The following DCPS variants were observed in gnomAD, a reference collection of about 807,000 sequenced individuals.
The protein encoded by DCPS is m7GpppX diphosphatase.
In DCPS, 27 loss-of-function variants were observed where a neutral mutation model predicts 34.7. The ratio of observed to expected loss-of-function variants is 0.78; its 90% CI spans 0.57 to 1.07. DCPS has a LOEUF of 1.07. Ranked by LOEUF, DCPS falls within the 50% of genes least tolerant of loss-of-function variation. The pLI, the probability that DCPS is intolerant of heterozygous loss-of-function variation, is 0.00. For missense variants in DCPS, 464 were observed against 436.9 expected (o/e 1.06, Z -0.55); for synonymous variants, 185 against 185.7 (o/e 1.00, Z 0.03).
At chr11:126,309,024 C>CCTTTTTT in intron 2 of DCPS, among the ~76,000 whole-genome samples, 1 of 138,404 alleles carries the variant, frequency 7.2e-6, no homozygotes. Flanking sequence ...TTTCCTGCCC[C>CCTTTTTT]TTTTTTTTTT....
intron 2 of DCPS, among the ~76,000 whole-genome samples, chr11:126,317,874 A>G (rs686305): frequency 0.75 from 113,778 of 152,046 alleles, 43,102 homozygotes; most frequent in East Asian, 1. Flanking sequence ...TCCTGTTCAC[A>G]CGGAGCTTTG....
rs1951961057 is a variant in DCPS at position 126,348,760 on chromosome 11, G to C, written c.*3147G>C. ...TCTTGAGGGTAGGAGCTTTGTTTTA[G>C]TTATCTCTCTATCCCTGGCCCCTAA... On this transcript the variant is annotated 3_prime_UTR_variant, in exon 6 of 6. Transcript: ENST00000263579. This position sits in a 1 kb window ranked among gnomAD's most constrained non-coding sequence, Gnocchi z 5.3. Among the ~76,000 whole-genome samples the C allele has an allele frequency of 6.6e-6, 1 of 152,198 alleles. No individual in the cohort carries two copies. Among genetic ancestry groups the C allele is most frequent in the Admixed American group, 6.5e-5 (1 of 15,282 alleles).
chr11:126,340,822 A>C (rs959880954), intron 4 of DCPS: 8 of 152,328 alleles, frequency 5.3e-5, no homozygotes, highest in Non-Finnish European at 4.4e-5. Flanking sequence ...TGTTTGCTAG[A>C]GACTGTGCCT....
chr11:126,305,657 G>A (rs34067614), intron 1 of DCPS, among the ~76,000 whole-genome samples: 16,778 of 152,104 alleles, frequency 0.11, 1,190 homozygotes, highest in Non-Finnish European at 0.16. Flanking sequence ...CTGACCTCAG[G>A]TGATCCACCC....
chr11:126,343,908 G>A (rs747071348), intron 5 of DCPS, among the ~76,000 whole-genome samples: 5 of 152,114 alleles, frequency 3.3e-5, no homozygotes, highest in Admixed American at 1.3e-4. Flanking sequence ...TGAAATTATC[G>A]GGGCTCTAAA....
In DCPS at chr11:126,319,831, TC is replaced by T. The variant is rs1457092724; in HGVS notation, c.377-11573del. Among the ~76,000 whole-genome samples the T allele has an allele frequency of 1.3e-5, 2 of 152,170 alleles. No homozygotes were observed. The highest frequency in any genetic ancestry group is 4.8e-5 in the African/African-American group (2 of 41,436). ...AGACTGCCTGGGTTCAGATCTCAGC[TC>T]TGCCACTATTAATAGCTGTGTGTCC... is the stretch of plus-strand genomic sequence containing the variant. On this transcript the variant is annotated intron_variant, in intron 2 of 5. Transcript: ENST00000263579. This position sits in a 1 kb window ranked among gnomAD's most constrained non-coding sequence, Gnocchi z 4.5.
In DCPS at chr11:126,343,363, C is replaced by G. The variant is rs148567639; in HGVS notation, c.693C>G (p.Arg231=). ...ATCGCCGGGGCATCAGATCCCTACG[C>G]GACCTTACTCCGGAGCACTTGCCGC... is the stretch of plus-strand genomic sequence containing the variant. ...ICHRRGIRSL[R]DLTPEHLPLL... Residue 231 remains arginine, a synonymous_variant, in exon 5 of 6, where the codon CGC becomes CGG. Transcript: ENST00000263579. 9.2e-5 allele frequency: 148 copies of G among 1,613,888 alleles called. No homozygotes were observed. Among genetic ancestry groups the G allele is most frequent in the Non-Finnish European group, 1.2e-4 (142 of 1,179,970 alleles).
rs555671125 is a variant in DCPS at position 126,320,683 on chromosome 11, G to T, written c.377-10722G>T. Among the ~76,000 whole-genome samples, 6 of 152,074 alleles carry T rather than the reference G, an allele frequency of 3.9e-5. No homozygotes were observed. Among genetic ancestry groups the T allele is most frequent in the African/African-American group, 1.4e-4 (6 of 41,498 alleles). On this transcript the variant is annotated intron_variant, in intron 2 of 5. Coordinates refer to ENST00000263579, the MANE Select transcript of DCPS (RefSeq NM_014026.6). The surrounding 1 kb of genome is among the most constrained non-coding windows in gnomAD (Gnocchi z 4.7). Reference sequence around the variant, plus strand: ...CCAGGTGTAGTGGTGTGTGCCTATAGTTCCAGCTACCTGGGAGGTTGAGAC... The same window carrying T: ...CCAGGTGTAGTGGTGTGTGCCTATATTTCCAGCTACCTGGGAGGTTGAGAC...
At position 126,347,777 on chromosome 11, in the gene DCPS, TC is replaced by T. The variant is rs1459626152; in HGVS notation, c.*2167del. ...AGCAGTGTCCAGCTTGCAGGAATGC[TC>T]CCTGCGTCTCAGTTGTGCCCATTCC... is the stretch of plus-strand genomic sequence containing the variant. On this transcript the variant is annotated 3_prime_UTR_variant, in exon 6 of 6. Transcript: ENST00000263579. This position sits in a 1 kb window ranked among gnomAD's most constrained non-coding sequence, Gnocchi z 4.2. Among the ~76,000 whole-genome samples, 4 of 152,200 alleles carry T rather than the reference TC, an allele frequency of 2.6e-5. No individual in the cohort carries two copies. Among genetic ancestry groups the T allele is most frequent in the African/African-American group, 9.6e-5 (4 of 41,452 alleles).
At position 126,327,133 on chromosome 11, in the gene DCPS, G is replaced by A. The variant is rs1004340111; in HGVS notation, c.377-4272G>A. Among the ~76,000 whole-genome samples the A allele has an allele frequency of 6.6e-6, 1 of 152,128 alleles. No individual in the cohort carries two copies. Among genetic ancestry groups the A allele is most frequent in the Non-Finnish European group, 1.5e-5 (1 of 68,016 alleles). On this transcript the variant is annotated intron_variant, in intron 2 of 5. Transcript: ENST00000263579. The surrounding 1 kb of genome is among the most constrained non-coding windows in gnomAD (Gnocchi z 4.1). Reference sequence around the variant, plus strand: ...TGTGCCAGTTGCTTCAGTGCAGGGCGCCCCTCCCCGGATCCCAACCCCGGA... The same window carrying A: ...TGTGCCAGTTGCTTCAGTGCAGGGCACCCCTCCCCGGATCCCAACCCCGGA...
chr11:126,330,195 G>A (rs77603146), intron 2 of DCPS, among the ~76,000 whole-genome samples: 12,153 of 141,366 alleles, frequency 0.086, 618 homozygotes, highest in South Asian at 0.12. Context: ...TCCTTTCAGG[G>A]GACACATTGG....
In DCPS at chr11:126,329,183, C is replaced by T. The variant is rs149026772; in HGVS notation, c.377-2222C>T. On this transcript the variant is annotated intron_variant, in intron 2 of 5. Coordinates refer to ENST00000263579, the MANE Select transcript of DCPS (RefSeq NM_014026.6). The surrounding 1 kb of genome is among the most constrained non-coding windows in gnomAD (Gnocchi z 5.0). ...CTGACCTCTGGCCCATGACCTATGA[C>T]GCTGAGCTGTTAGAGAACAGAGTGA... is the stretch of plus-strand genomic sequence containing the variant. Among the ~76,000 whole-genome samples, 515 of 152,338 alleles carry T rather than the reference C, an allele frequency of 3.4e-3. 2 individuals are homozygous for T. Among genetic ancestry groups the T allele is most frequent in the Middle Eastern group, 0.014 (4 of 294 alleles).
In DCPS at chr11:126,335,986, G is replaced by A. The variant is rs1197990703; in HGVS notation, c.523-2300G>A. ...CTAAAAATATAAAAATTAGTCGGGT[G>A]TGGTGGTGGGCACCTATAATCCCAG... On this transcript the variant is annotated intron_variant, in intron 3 of 5. Transcript: ENST00000263579. This position sits in a 1 kb window ranked among gnomAD's most constrained non-coding sequence, Gnocchi z 4.8. 1.3e-5 allele frequency among the ~76,000 whole-genome samples: 2 copies of A among 151,866 alleles called. No homozygotes were observed. Among genetic ancestry groups the A allele is most frequent in the Non-Finnish European group, 2.9e-5 (2 of 67,970 alleles).
rs1329117889 is a variant in DCPS, at chr11:126,337,265, G to T, written c.523-1021G>T. Reference sequence around the variant, plus strand: ...AGGAAGGGGCAGTAGTATGTCCTCAGCCACTCCCCTCTCTGGTTTCCTAGC... The same window carrying T: ...AGGAAGGGGCAGTAGTATGTCCTCATCCACTCCCCTCTCTGGTTTCCTAGC... On this transcript the variant is annotated intron_variant, in intron 3 of 5. Coordinates refer to ENST00000263579, the MANE Select transcript of DCPS (RefSeq NM_014026.6). This position sits in a 1 kb window ranked among gnomAD's most constrained non-coding sequence, Gnocchi z 5.3. 6.6e-6 allele frequency: 1 copy of T among 152,280 alleles called. No homozygotes were observed. Among genetic ancestry groups the T allele is most frequent in the East Asian group, 1.9e-4 (1 of 5,194 alleles). 9.4% of individuals were successfully genotyped at this position (152,280 alleles called of 1,614,324 possible).
intron 2 of DCPS, among the ~76,000 whole-genome samples, chr11:126,321,691 A>C (rs912242464): frequency 2.0e-5 from 3 of 152,040 alleles, no homozygotes; most frequent in African/African-American, 7.2e-5. Flanking sequence ...AAGAAAAAGA[A>C]GGGAAGGAAA....
chr11:126,343,472 A>G (rs1565381005), intron 5 of DCPS, 55 bp downstream of exon 5: 1 of 1,416,562 alleles, frequency 7.1e-7, no homozygotes, highest in Non-Finnish European at 9.8e-7. Flanking sequence ...CTCAGATTCC[A>G]GTGTGTTCCT....
chr11:126,325,738 G>T lies in DCPS; in HGVS notation c.377-5667G>T, dbSNP rs1951734925. Among the ~76,000 whole-genome samples the T allele has an allele frequency of 6.6e-6, 1 of 152,070 alleles. No homozygotes were observed. The highest frequency in any genetic ancestry group is 2.4e-5 in the African/African-American group (1 of 41,452). On this transcript the variant is annotated intron_variant, in intron 2 of 5. Coordinates refer to ENST00000263579, the MANE Select transcript of DCPS (RefSeq NM_014026.6). This position sits in a 1 kb window ranked among gnomAD's most constrained non-coding sequence, Gnocchi z 4.3. ...GCATGACAGGGGAACTCTGTAAGGA[G>T]TGTTGGAGGTGCTCTTAATATATTG...
chr11:126,311,304 C>T (rs1369699917), intron 2 of DCPS, among the ~76,000 whole-genome samples: 1 of 152,242 alleles, frequency 6.6e-6, no homozygotes, highest in African/African-American at 2.4e-5. Flanking sequence ...GGTGCGAATC[C>T]TGGCTTTGCC....
At chr11:126,326,595 A>G (rs1287379511) in intron 2 of DCPS, among the ~76,000 whole-genome samples, 5 of 152,214 alleles carry the variant, frequency 3.3e-5, no homozygotes, top group Non-Finnish European at 5.9e-5. Flanking sequence ...ATCCTGCAGA[A>G]AAGTTGTAAG....
Sources: allele counts gnomAD v4.1 joint callset (sites outside exome capture counted in the v4.1 genomes callset), GRCh38; gene constraint gnomAD v4.1.1; non-coding constraint Gnocchi (gnomAD v3.1); transcripts MANE v1.5; gene names NCBI Gene and HGNC (gene_info 2026-07-23, HGNC 2026-07-21).